PDE7B: variants seen among roughly 807,000 people sequenced by gnomAD.
PDE7B encodes the protein phosphodiesterase 7B, also known as 3',5'-cyclic-AMP phosphodiesterase 7B.
Under a neutral mutation model 56.2 loss-of-function variants are expected in PDE7B, and 29 were observed. The observed-to-expected ratio is 0.52, with a 90% CI of 0.38 to 0.70. The LOEUF is 0.70. Ranked by LOEUF, PDE7B falls within the 30% of genes least tolerant of loss-of-function variation. The probability of loss-of-function intolerance (pLI) is 0.00; values close to 1 mark genes in which losing one functional copy is unlikely to be tolerated. For synonymous variants in PDE7B, 197 were observed against 196.9 expected (o/e 1.00, Z 0.00); for missense variants, 490 against 565.0 (o/e 0.87, Z 1.35).
intron 8 of PDE7B, among the ~76,000 whole-genome samples, chr6:136,163,525 G>T (rs973114731): frequency 6.6e-6 from 1 of 152,220 alleles, no homozygotes; most frequent in Non-Finnish European, 1.5e-5. Flanking sequence ...TCTTAGACAT[G>T]CCTTGGAGAC....
intron 3 of PDE7B, chr6:136,112,507 C>T (rs1777765727): frequency 6.6e-6 from 1 of 152,168 alleles, no homozygotes; most frequent in South Asian, 2.1e-4. Flanking sequence ...TGGCCCTTTA[C>T]AGAACAAGGT....
At chr6:135,873,191 C>G (rs1417987597) in intron 1 of PDE7B, among the ~76,000 whole-genome samples, 2 of 152,114 alleles carry the variant, frequency 1.3e-5, no homozygotes, top group Non-Finnish European at 2.9e-5. Flanking sequence ...GTTTAACTCC[C>G]TTCACTTTTC....
intron 4 of PDE7B, among the ~76,000 whole-genome samples, chr6:136,148,501 C>G (rs1256823057): frequency 1.4e-5 from 1 of 71,172 alleles, no homozygotes; most frequent in Non-Finnish European, 2.7e-5. Context: ...AGGCAGGCAA[C>G]TAATATATGC....
At chr6:136,038,302 A>G in intron 2 of PDE7B, 1 of 1,295,572 alleles carries the variant, frequency 7.7e-7, no homozygotes, top group Non-Finnish European at 1.0e-6. Context: ...TGCCTGTGCT[A>G]GAGCGATATT....
Position 136,193,553 on chromosome 6 carries a change from C to A in PDE7B, c.*1713C>A, listed in dbSNP as rs1040608171. The A allele has an allele frequency of 6.6e-6, 1 of 152,180 alleles. No homozygotes were observed. The highest frequency in any genetic ancestry group is 6.5e-5 in the Admixed American group (1 of 15,270). The allele number at this position is 152,180 out of a possible 1,614,324, so 9.4% of individuals were successfully genotyped here. A position where few individuals can be genotyped will look rare whatever the true frequency, so the allele number is the denominator to read the frequency against. On this transcript the variant is annotated 3_prime_UTR_variant, in exon 13 of 13. Transcript: ENST00000308191. ...AGGCTGCTAAACGCTGTGCATTGAA[C>A]CTTTTCTTTAGAAGTTTCAGCGTAA...
chr6:136,038,479 CAA>C, intron 2 of PDE7B: 1 of 1,289,740 alleles, frequency 7.8e-7, no homozygotes, highest in Non-Finnish European at 1.0e-6. Context: ...TGCAGGCGAC[CAA>C]ACAGAGAGGC....
intron 2 of PDE7B, among the ~76,000 whole-genome samples, chr6:136,004,371 G>T (rs1245742901): frequency 6.6e-6 from 1 of 151,618 alleles, no homozygotes; most frequent in Non-Finnish European, 1.5e-5. Context: ...GGCAGGAGAA[G>T]GAAATAAAGG....
intron 6 of PDE7B, among the ~76,000 whole-genome samples, chr6:136,151,677 A>T (rs1196638010): frequency 3.7e-5 from 4 of 108,578 alleles, no homozygotes; most frequent in African/African-American, 1.5e-4. Context: ...TCTTTTAAAA[A>T]TTACAGGGAA....
At chr6:136,173,987 G>A in intron 9 of PDE7B, 99 bp downstream of exon 9, 3 of 807,320 alleles carry the variant, frequency 3.7e-6, no homozygotes, top group Non-Finnish European at 6.4e-6. Flanking sequence ...ATGGCAGAGA[G>A]CCCCCCGGCT....
intron 2 of PDE7B, among the ~76,000 whole-genome samples, chr6:135,983,131 A>G (rs996839127): frequency 6.6e-6 from 1 of 152,240 alleles, no homozygotes; most frequent in African/African-American, 2.4e-5. Flanking sequence ...TAATGAGGGA[A>G]TTTCAATCAT....
At chr6:136,138,357 G>C (rs145939737) in intron 3 of PDE7B, among the ~76,000 whole-genome samples, 1 of 152,126 alleles carries the variant, frequency 6.6e-6, no homozygotes, top group Non-Finnish European at 1.5e-5. Context: ...CCAGGACCTT[G>C]TACTATTATA....
chr6:135,948,561 G>T (rs368832110), intron 2 of PDE7B, among the ~76,000 whole-genome samples: 1 of 151,772 alleles, frequency 6.6e-6, no homozygotes, highest in Non-Finnish European at 1.5e-5. Flanking sequence ...GGTGGTACAC[G>T]ACTTAAGAAA....
intron 1 of PDE7B, among the ~76,000 whole-genome samples, chr6:135,867,088 A>G (rs1775275568): frequency 6.6e-6 from 1 of 152,190 alleles, no homozygotes; most frequent in East Asian, 1.9e-4. Context: ...AAAATATGCT[A>G]AGTCCTTAGC....
At chr6:135,956,596 T>C (rs930222052) in intron 2 of PDE7B, among the ~76,000 whole-genome samples, 3 of 151,976 alleles carry the variant, frequency 2.0e-5, no homozygotes, top group African/African-American at 7.3e-5. Flanking sequence ...CTGGGAAACA[T>C]AGCAAGACTC....
chr6:136,109,843 C>T (rs1341488403), intron 3 of PDE7B, among the ~76,000 whole-genome samples: 1 of 152,198 alleles, frequency 6.6e-6, no homozygotes, highest in Non-Finnish European at 1.5e-5. Flanking sequence ...ATAAATTTCA[C>T]AATTTGCTCC....
chr6:135,928,319 A>G (rs974008880), intron 1 of PDE7B, among the ~76,000 whole-genome samples: 8 of 150,564 alleles, frequency 5.3e-5, no homozygotes, highest in Non-Finnish European at 1.0e-4. Context: ...AAATCTTTCT[A>G]CCAAAAAGGC....
chr6:135,990,688 A>G (rs77854323), intron 2 of PDE7B, among the ~76,000 whole-genome samples: 5,570 of 152,306 alleles, frequency 0.037, 339 homozygotes, highest in African/African-American at 0.13. Context: ...TTGCTTTAAA[A>G]AGCAGATTTA....
At chr6:136,009,336 A>T (rs1215966960) in intron 2 of PDE7B, among the ~76,000 whole-genome samples, 1 of 152,068 alleles carries the variant, frequency 6.6e-6, no homozygotes, top group Non-Finnish European at 1.5e-5. Context: ...TTGGTTCCAT[A>T]TGAACTTTAA....
At chr6:135,959,800 G>A (rs1774865190) in intron 2 of PDE7B, among the ~76,000 whole-genome samples, 1 of 152,042 alleles carries the variant, frequency 6.6e-6, no homozygotes, top group African/African-American at 2.4e-5. Flanking sequence ...TGGAGGCAGA[G>A]TCTCAGTTTG....
Sources: allele counts gnomAD v4.1 joint callset (sites outside exome capture counted in the v4.1 genomes callset), GRCh38; gene constraint gnomAD v4.1.1; transcripts MANE v1.5; gene names NCBI Gene and HGNC (gene_info 2026-07-23, HGNC 2026-07-21).